The following PEX14 variants were observed in gnomAD, a reference collection of about 807,000 sequenced individuals.
PEX14 encodes peroxisomal membrane protein PEX14.
PEX14 carries 15 observed loss-of-function variants against 49.5 expected under a neutral mutation model. That is an observed-to-expected ratio of 0.30 (90% CI 0.20 to 0.47). The LOEUF (loss-of-function observed/expected upper bound fraction) is 0.47. Ranked by LOEUF, PEX14 falls within the 20% of genes least tolerant of loss-of-function variation. The probability of loss-of-function intolerance (pLI) is 1.00; values close to 1 mark genes in which losing one functional copy is unlikely to be tolerated. For missense variants in PEX14, 398 were observed against 494.8 expected, an observed-to-expected ratio of 0.80 and a Z score of 1.86; for synonymous variants, 210 against 212.7, an observed-to-expected ratio of 0.99 and a Z score of 0.11.
intron 2 of PEX14, among the ~76,000 whole-genome samples, chr1:10,498,398 T>C (rs1012984766): frequency 2.0e-5 from 3 of 152,232 alleles, no homozygotes; most frequent in Admixed American, 6.5e-5. Context: ...TGTGATGTAG[T>C]CAATATGTGC....
At chr1:10,542,724 G>A (rs1009449472) in intron 3 of PEX14, among the ~76,000 whole-genome samples, 1 of 145,580 alleles carries the variant, frequency 6.9e-6, no homozygotes, top group South Asian at 2.4e-4. Flanking sequence ...TCGTGTCACC[G>A]CACTCCAGCC....
At chr1:10,595,928 G>GCA in intron 3 of PEX14, among the ~76,000 whole-genome samples, 1 of 152,336 alleles carries the variant, frequency 6.6e-6, no homozygotes, top group East Asian at 1.9e-4. Context: ...CTTACAATTG[G>GCA]CAGTTTCCTT....
At chr1:10,545,603 C>T (rs1557837255) in intron 3 of PEX14, among the ~76,000 whole-genome samples, 1 of 152,218 alleles carries the variant, frequency 6.6e-6, no homozygotes, top group Non-Finnish European at 1.5e-5. Context: ...GGCAACAGTG[C>T]ATAAACTATC....
At chr1:10,485,373 T>G (rs1641350652) in intron 1 of PEX14, among the ~76,000 whole-genome samples, 1 of 144,372 alleles carries the variant, frequency 6.9e-6, no homozygotes, top group African/African-American at 2.6e-5. Flanking sequence ...AGTGCAGTGG[T>G]GCAATCATAC....
At position 10,597,793 on chromosome 1, in the gene PEX14, C is replaced by G. The variant is rs1557865483; in HGVS notation, c.170-1445C>G. ...TTTAAATGGGGATAGTCCTCAACTCCTCAGCACAGAGAAGGGAAAAAAGAG... is the reference window on the plus strand; with the variant it reads ...TTTAAATGGGGATAGTCCTCAACTCGTCAGCACAGAGAAGGGAAAAAAGAG... On this transcript the variant is annotated intron_variant, in intron 3 of 8. Transcript: ENST00000356607. The surrounding 1 kb of genome is among the most constrained non-coding windows in gnomAD (Gnocchi z 5.7). Among the ~76,000 whole-genome samples the G allele has an allele frequency of 6.6e-6, 1 of 152,180 alleles. No homozygotes were observed. The highest frequency in any genetic ancestry group is 2.4e-5 in the African/African-American group (1 of 41,436).
intron 6 of PEX14, 55 bp from the exon 7 acceptor site, chr1:10,624,285 G>A (rs976193346): frequency 4.5e-5 from 51 of 1,142,422 alleles, no homozygotes; most frequent in Non-Finnish European, 6.3e-5. Flanking sequence ...GACCGAGCGA[G>A]GGGAACGTCT....
chr1:10,628,918 T>C lies in PEX14; in HGVS notation c.678-613T>C, dbSNP rs1205308982. Among the ~76,000 whole-genome samples, 1 of 152,238 alleles carries C rather than the reference T, an allele frequency of 6.6e-6. No homozygotes were observed. The highest frequency in any genetic ancestry group is 1.5e-5 in the Non-Finnish European group (1 of 68,044). On this transcript the variant is annotated intron_variant, in intron 8 of 8. Coordinates refer to ENST00000356607, the MANE Select transcript of PEX14 (RefSeq NM_004565.3). The surrounding 1 kb of genome is among the most constrained non-coding windows in gnomAD (Gnocchi z 4.5). ...ATTGGCTTTGGTTTGGGCTGGCTGC[T>C]GGCCCAGGAACGGAGTACGGAGCAG...
At chr1:10,589,415 C>T (rs1210334480) in intron 3 of PEX14, among the ~76,000 whole-genome samples, 2 of 152,210 alleles carry the variant, frequency 1.3e-5, no homozygotes, top group African/African-American at 4.8e-5. Flanking sequence ...TTCCCTCTCT[C>T]TCCCCTTCTG....
intron 3 of PEX14, among the ~76,000 whole-genome samples, chr1:10,554,027 C>T (rs1424305411): frequency 6.6e-6 from 1 of 151,596 alleles, no homozygotes; most frequent in Admixed American, 6.6e-5. Context: ...CGGTGGCTCA[C>T]GCCTGTAATC....
intron 1 of PEX14, among the ~76,000 whole-genome samples, chr1:10,488,000 C>T (rs1379954409): frequency 3.9e-5 from 6 of 151,972 alleles, no homozygotes; most frequent in South Asian, 2.1e-4. Context: ...AGGCTTGTCT[C>T]GAACTCCTGA....
intron 4 of PEX14, among the ~76,000 whole-genome samples, chr1:10,600,984 G>T (rs1337597608): frequency 6.6e-6 from 1 of 151,708 alleles, no homozygotes; most frequent in Non-Finnish European, 1.5e-5. Flanking sequence ...CAGACAGGCC[G>T]GGCGCGGTGG....
intron 2 of PEX14, among the ~76,000 whole-genome samples, chr1:10,496,050 A>G (rs1641554499): frequency 6.6e-6 from 1 of 152,186 alleles, no homozygotes; most frequent in Non-Finnish European, 1.5e-5. Flanking sequence ...GTAGGGCTGT[A>G]CTGCCAAGGC....
At chr1:10,490,627 G>T (rs1641454943) in intron 1 of PEX14, among the ~76,000 whole-genome samples, 2 of 151,640 alleles carry the variant, frequency 1.3e-5, no homozygotes, top group Non-Finnish European at 2.9e-5. Context: ...GGCCTCTAAG[G>T]ATCCTGGGCA....
At chr1:10,606,318 GGA>G (rs1335211777) in intron 4 of PEX14, among the ~76,000 whole-genome samples, 1 of 152,204 alleles carries the variant, frequency 6.6e-6, no homozygotes, top group African/African-American at 2.4e-5. Flanking sequence ...GCGAGAGCGG[GGA>G]GAAAGCGGGA....
intron 3 of PEX14, among the ~76,000 whole-genome samples, chr1:10,540,273 G>A (rs1638962384): frequency 6.6e-6 from 1 of 152,046 alleles, no homozygotes; most frequent in African/African-American, 2.4e-5. Context: ...ATTTCAAGGG[G>A]GAGTAAATTC....
chr1:10,488,006 C>T (rs1641402410), intron 1 of PEX14, among the ~76,000 whole-genome samples: 1 of 152,084 alleles, frequency 6.6e-6, no homozygotes, highest in African/African-American at 2.4e-5. Context: ...GTCTCGAACT[C>T]CTGACCTCAA....
intron 3 of PEX14, among the ~76,000 whole-genome samples, chr1:10,570,979 G>T (rs563295861): frequency 1.4e-5 from 2 of 145,598 alleles, no homozygotes; most frequent in African/African-American, 5.1e-5. Flanking sequence ...CTCCCAAATA[G>T]TTGGAAGTAC....
intron 3 of PEX14, among the ~76,000 whole-genome samples, chr1:10,565,301 A>G (rs1639771426): frequency 6.6e-6 from 1 of 152,204 alleles, no homozygotes; most frequent in Non-Finnish European, 1.5e-5. Flanking sequence ...ATGCTTGTGT[A>G]AAGTGGGACT....
intron 1 of PEX14, among the ~76,000 whole-genome samples, chr1:10,487,285 T>C (rs1478079732): frequency 1.3e-5 from 2 of 151,466 alleles, no homozygotes; most frequent in Non-Finnish European, 2.9e-5. Context: ...AAATCTTTGG[T>C]TTTTATGTCA....
Sources: allele counts gnomAD v4.1 joint callset (sites outside exome capture counted in the v4.1 genomes callset), GRCh38; gene constraint gnomAD v4.1.1; non-coding constraint Gnocchi (gnomAD v3.1); transcripts MANE v1.5; gene names NCBI Gene and HGNC (gene_info 2026-07-23, HGNC 2026-07-21).